The following SP140L variants were observed in gnomAD, a reference collection of about 807,000 sequenced individuals.
The protein encoded by SP140L is nuclear body protein SP140-like protein.
Under a neutral mutation model 84.3 loss-of-function variants are expected in SP140L, and 64 were observed. The ratio of observed to expected loss-of-function variants is 0.76; its 90% CI spans 0.62 to 0.94. SP140L has a LOEUF of 0.94. Ranked by LOEUF, SP140L falls within the 40% of genes least tolerant of loss-of-function variation. The pLI, the probability that SP140L is intolerant of heterozygous loss-of-function variation, is 0.00. For synonymous variants in SP140L, 242 were observed against 236.9 expected (o/e 1.02, Z -0.20); for missense variants, 628 against 692.5 (o/e 0.91, Z 1.05).
At chr2:230,332,156 T>C (rs1479671532) in intron 2 of SP140L, among the ~76,000 whole-genome samples, 1 of 152,226 alleles carries the variant, frequency 6.6e-6, no homozygotes, top group Non-Finnish European at 1.5e-5. Flanking sequence ...ATCAAGACCA[T>C]GTATAGGATA....
intron 13 of SP140L, among the ~76,000 whole-genome samples, chr2:230,394,914 C>T (rs575464726): frequency 4.6e-5 from 7 of 152,276 alleles, no homozygotes; most frequent in African/African-American, 1.7e-4. Context: ...GTGGTAGCTG[C>T]GGTGTTGTAA....
chr2:230,369,972 C>A lies in SP140L; in HGVS notation c.524-936C>A, dbSNP rs1437540270. On this transcript the variant is annotated intron_variant, in intron 5 of 18. Transcript: ENST00000415673. ...TATTTTTAGTAGAGACAGAGTTTCA[C>A]CCTGTTGGCCAGGCTGGTCTTGAAT... 2.0e-5 allele frequency among the ~76,000 whole-genome samples: 3 copies of A among 148,486 alleles called. 1 individual carries two copies. Among genetic ancestry groups the A allele is most frequent in the African/African-American group, 7.9e-5 (3 of 38,002 alleles).
intron 2 of SP140L, among the ~76,000 whole-genome samples, chr2:230,329,112 C>T (rs1303821109): frequency 2.6e-5 from 4 of 152,088 alleles, no homozygotes; most frequent in East Asian, 1.9e-4. Context: ...AAACATCTTA[C>T]GACATAGATT....
chr2:230,340,106 T>C (rs2059995818), intron 2 of SP140L, among the ~76,000 whole-genome samples: 1 of 150,214 alleles, frequency 6.7e-6, no homozygotes, highest in South Asian at 2.1e-4. Flanking sequence ...AAGTCTCCCA[T>C]TATTAATGTG....
At chr2:230,353,543 A>T (rs547668048) in intron 2 of SP140L, among the ~76,000 whole-genome samples, 1 of 152,188 alleles carries the variant, frequency 6.6e-6, no homozygotes, top group African/African-American at 2.4e-5. Context: ...CATTAATGGG[A>T]AATGTTCTGC....
At chr2:230,384,206 G>A (rs1222113301) in intron 8 of SP140L, among the ~76,000 whole-genome samples, 1 of 151,998 alleles carries the variant, frequency 6.6e-6, no homozygotes, top group African/African-American at 2.4e-5. Flanking sequence ...CTTTTATAAT[G>A]AAAAAATGGT....
At chr2:230,400,556 C>A in intron 15 of SP140L, 1 of 469,310 alleles carries the variant, frequency 2.1e-6, no homozygotes, top group Non-Finnish European at 3.9e-6. Context: ...GGAAAAAAAA[C>A]ACCAGTTGTT....
intron 9 of SP140L, among the ~76,000 whole-genome samples, chr2:230,385,606 A>C (rs988558987): frequency 2.8e-4 from 42 of 152,226 alleles, no homozygotes; most frequent in Non-Finnish European, 8.8e-5. Flanking sequence ...AATTGTAAGC[A>C]GAATACAGGT....
In SP140L at chr2:230,388,421, G is replaced by A. The variant is rs1243438846; in HGVS notation, c.785-138G>A. On this transcript the variant is annotated intron_variant, in intron 9 of 18. Transcript: ENST00000415673. ...CTATCTAATTCTTCATACCTTAAAG[G>A]CTAGGGTTTAAATCTTTTTATTTAT... 4 of 589,740 alleles carry A rather than the reference G, an allele frequency of 6.8e-6. No individual in the cohort carries two copies. The South Asian group carries it at 1.0e-4, about 15-fold the overall frequency. 36.5% of individuals were successfully genotyped at this position (589,740 alleles called of 1,614,324 possible).
intron 11 of SP140L, among the ~76,000 whole-genome samples, chr2:230,391,437 T>G (rs563018043): frequency 6.6e-6 from 1 of 152,348 alleles, no homozygotes; most frequent in South Asian, 2.1e-4. Flanking sequence ...TGGTATCTCA[T>G]TGTGGTTTTG....
chr2:230,381,073 G>A (rs537275162), intron 7 of SP140L, among the ~76,000 whole-genome samples: 1 of 152,268 alleles, frequency 6.6e-6, no homozygotes, highest in South Asian at 2.1e-4. Context: ...AGCCCAGGTG[G>A]ATGGTGCACT....
intron 2 of SP140L, among the ~76,000 whole-genome samples, chr2:230,338,169 C>T (rs376667074): frequency 7.8e-6 from 1 of 127,432 alleles, no homozygotes; most frequent in African/African-American, 3.1e-5. Flanking sequence ...CTTTTATTTC[C>T]TTGAGCAGTG....
At chr2:230,346,466 A>G (rs2060211760) in intron 2 of SP140L, among the ~76,000 whole-genome samples, 1 of 152,146 alleles carries the variant, frequency 6.6e-6, no homozygotes, top group Non-Finnish European at 1.5e-5. Context: ...CTTTAAATTG[A>G]CTTTCTGCTC....
At chr2:230,344,549 G>T (rs1223661320) in intron 2 of SP140L, among the ~76,000 whole-genome samples, 1 of 152,164 alleles carries the variant, frequency 6.6e-6, no homozygotes, top group African/African-American at 2.4e-5. Context: ...GTGTGAATTT[G>T]ATCCTGCCAC....
intron 11 of SP140L, 163 bp from the exon 12 acceptor site, chr2:230,391,924 C>T: frequency 1.1e-6 from 1 of 899,388 alleles, no homozygotes; most frequent in Non-Finnish European, 1.7e-6. Context: ...AGGGGACTTT[C>T]AGGCTGGATT....
At chr2:230,354,765 A>T (rs755273245) in intron 2 of SP140L, among the ~76,000 whole-genome samples, 1 of 139,758 alleles carries the variant, frequency 7.2e-6, no homozygotes, top group Non-Finnish European at 1.5e-5. Context: ...ACAGAGTAAA[A>T]CCTTCAAAGA....
chr2:230,370,714 A>C (rs1196857566), intron 5 of SP140L, among the ~76,000 whole-genome samples, 194 bp from the exon 6 acceptor site: 1 of 152,186 alleles, frequency 6.6e-6, no homozygotes, highest in Non-Finnish European at 1.5e-5. Context: ...GGGAGACTTA[A>C]AGGAAGAGTC....
chr2:230,367,438 G>A (rs2060923268), intron 5 of SP140L, among the ~76,000 whole-genome samples: 2 of 151,596 alleles, frequency 1.3e-5, no homozygotes, highest in South Asian at 4.2e-4. Context: ...GACCACAGGT[G>A]CGTGCCACCA....
At chr2:230,386,341 G>C (rs1310921193) in intron 9 of SP140L, among the ~76,000 whole-genome samples, 2 of 152,072 alleles carry the variant, frequency 1.3e-5, no homozygotes, top group Non-Finnish European at 2.9e-5. Context: ...CAGGACAATT[G>C]GTCATTCTAC....
Sources: allele counts gnomAD v4.1 joint callset (sites outside exome capture counted in the v4.1 genomes callset), GRCh38; gene constraint gnomAD v4.1.1; transcripts MANE v1.5; gene names NCBI Gene and HGNC (gene_info 2026-07-23, HGNC 2026-07-21).